Variants in ITSN1 observed in about 807,000 individuals in gnomAD.
ITSN1 encodes the protein intersectin 1.
In ITSN1, 58 loss-of-function variants were observed where a neutral mutation model predicts 239.8. The ratio of observed to expected loss-of-function variants is 0.24; its 90% CI spans 0.20 to 0.30. ITSN1 has a LOEUF of 0.30. Among genes scored for constraint, ITSN1 ranks in the 10% least tolerant of loss-of-function variants. The probability of loss-of-function intolerance (pLI) is 1.00; values close to 1 mark genes in which losing one functional copy is unlikely to be tolerated. For synonymous variants in ITSN1, 780 were observed against 770.8 expected (o/e 1.01, Z -0.20); for missense variants, 1,558 against 2,103.3 (o/e 0.74, Z 5.07).
intron 1 of ITSN1, among the ~76,000 whole-genome samples, chr21:33,667,455 A>T (rs1254262506): frequency 6.6e-6 from 1 of 152,192 alleles, no homozygotes; most frequent in Non-Finnish European, 1.5e-5. Flanking sequence ...AATAAATTGT[A>T]AGCCAAATGA....
At chr21:33,857,365 G>T (rs1979552554) in intron 30 of ITSN1, among the ~76,000 whole-genome samples, 1 of 152,222 alleles carries the variant, frequency 6.6e-6, no homozygotes, top group African/African-American at 2.4e-5. Context: ...CCTGACCTGA[G>T]TGATGCCTCC....
chr21:33,743,230 C>T lies in ITSN1; in HGVS notation c.347-6913C>T, dbSNP rs569159712. On this transcript the variant is annotated intron_variant, in intron 5 of 39. Transcript: ENST00000381318. The stretch of plus-strand genomic sequence containing the variant: ...CCTGTAATCCCAGCACTTTAAGAGG[C>T]CGAGGTGAGCGGATCACCTGAGGTC... Among the ~76,000 whole-genome samples the T allele has an allele frequency of 1.0e-3, 152 of 152,286 alleles. 1 individual carries two copies. The highest frequency in any genetic ancestry group is 3.4e-3 in the African/African-American group (141 of 41,564).
At chr21:33,868,418 G>C (rs1279425060) in intron 33 of ITSN1, among the ~76,000 whole-genome samples, 1 of 152,186 alleles carries the variant, frequency 6.6e-6, no homozygotes, top group Non-Finnish European at 1.5e-5. Flanking sequence ...ACGGAGGCAG[G>C]GGAAGGCTCA....
chr21:33,819,434 T>G, intron 24 of ITSN1, 111 bp downstream of exon 24: 1 of 667,330 alleles, frequency 1.5e-6, no homozygotes. Flanking sequence ...GATCAGTATA[T>G]TAAACTACAG....
At chr21:33,814,236 A>C in intron 22 of ITSN1, 164 bp downstream of exon 22, 3 of 305,964 alleles carry the variant, frequency 9.8e-6, no homozygotes, top group East Asian at 1.7e-4. Flanking sequence ...TCTGCTGTGA[A>C]TAGTTGGGAG....
At position 33,892,812 on chromosome 21, in the gene ITSN1, C is replaced by T. The variant is rs1986450647; in HGVS notation, c.*4512C>T. ...AGTGTAATTGCCTACCTGCCTGGGCCCCTTCTAGAGGAAGGTGGGCTTTCC... is the reference window on the plus strand; with the variant it reads ...AGTGTAATTGCCTACCTGCCTGGGCTCCTTCTAGAGGAAGGTGGGCTTTCC... On this transcript the variant is annotated 3_prime_UTR_variant, in exon 40 of 40. Transcript: ENST00000381318. 1 of 152,148 alleles carries T rather than the reference C, an allele frequency of 6.6e-6. No homozygotes were observed. The highest frequency in any genetic ancestry group is 1.5e-5 in the Non-Finnish European group (1 of 68,034). 9.4% of individuals were successfully genotyped at this position (152,148 alleles called of 1,614,324 possible).
intron 12 of ITSN1, chr21:33,774,244 T>C (rs975009164): frequency 6.4e-6 from 1 of 156,190 alleles, no homozygotes; most frequent in African/African-American, 2.4e-5. Context: ...AAAGCTTTTG[T>C]GGTAAAAAGG....
At chr21:33,776,945 G>A (rs1052796945) in intron 14 of ITSN1, among the ~76,000 whole-genome samples, 2 of 151,106 alleles carry the variant, frequency 1.3e-5, no homozygotes, top group African/African-American at 2.4e-5. Flanking sequence ...TTTTTCTTTT[G>A]GTGTTCATGC....
At chr21:33,696,188 T>G (rs964243481) in intron 1 of ITSN1, among the ~76,000 whole-genome samples, 1 of 152,182 alleles carries the variant, frequency 6.6e-6, no homozygotes, top group Non-Finnish European at 1.5e-5. Flanking sequence ...GGCTTTTTTT[T>G]TGTTGTTGGA....
chr21:33,858,037 T>G (rs1979700484), intron 30 of ITSN1, among the ~76,000 whole-genome samples: 1 of 152,160 alleles, frequency 6.6e-6, no homozygotes, highest in African/African-American at 2.4e-5. Context: ...GGGGTTCCAC[T>G]GAGATCTGTG....
At chr21:33,777,773 T>A (rs926857499) in intron 14 of ITSN1, among the ~76,000 whole-genome samples, 1 of 152,210 alleles carries the variant, frequency 6.6e-6, no homozygotes, top group Non-Finnish European at 1.5e-5. Flanking sequence ...ATTGACCTTA[T>A]ATCTGTGATT....
At chr21:33,869,902 G>C (rs1172031164) in intron 33 of ITSN1, among the ~76,000 whole-genome samples, 1 of 151,936 alleles carries the variant, frequency 6.6e-6, no homozygotes, top group Admixed American at 6.6e-5. Flanking sequence ...TTTATTTCTA[G>C]ATCCATCTAT....
chr21:33,813,645 G>T (rs564951029), intron 21 of ITSN1, among the ~76,000 whole-genome samples: 38 of 152,188 alleles, frequency 2.5e-4, no homozygotes, highest in African/African-American at 8.9e-4. Context: ...GAGCCACTGT[G>T]CCCAGCCTCC....
rs905966330 is a variant in ITSN1 at position 33,797,312 on chromosome 21, A to G, written c.1953-67A>G. ...TTTACTGGATGGAGCTTTTTTTGTG[A>G]AAAGAGGCAACAGTAGTGTTAACTT... is the stretch of plus-strand genomic sequence containing the variant. On this transcript the variant is annotated intron_variant, in intron 17 of 39. Transcript: ENST00000381318. This position sits in a 1 kb window ranked among gnomAD's most constrained non-coding sequence, Gnocchi z 4.9. 8 of 1,391,636 alleles carry G rather than the reference A, an allele frequency of 5.7e-6. No individual in the cohort carries two copies. The African/African-American group carries it at 1.2e-4, about 20-fold the overall frequency. The allele number at this position is 1,391,636 out of a possible 1,614,324, so 86.2% of individuals were successfully genotyped here. A position where few individuals can be genotyped will look rare whatever the true frequency, so the allele number is the denominator to read the frequency against.
chr21:33,893,141 C>G lies in ITSN1; in HGVS notation c.*4841C>G, dbSNP rs1167613219. On this transcript the variant is annotated 3_prime_UTR_variant, in exon 40 of 40. Coordinates refer to ENST00000381318, the MANE Select transcript of ITSN1 (RefSeq NM_003024.3). Reference sequence around the variant, plus strand: ...TTTCTGATGAAGACGTGGCTCAGTCCCTGCTCTCCTTGTCGCAGTGGCTTG... The same window carrying G: ...TTTCTGATGAAGACGTGGCTCAGTCGCTGCTCTCCTTGTCGCAGTGGCTTG... 2 of 152,278 alleles carry G rather than the reference C, an allele frequency of 1.3e-5. No individual in the cohort carries two copies. Among genetic ancestry groups the G allele is most frequent in the Non-Finnish European group, 2.9e-5 (2 of 68,080 alleles). The allele number at this position is 152,278 out of a possible 1,614,324, so 9.4% of individuals were successfully genotyped here. A position where few individuals can be genotyped will look rare whatever the true frequency, so the allele number is the denominator to read the frequency against.
At chr21:33,703,987 G>A (rs527956695) in intron 1 of ITSN1, among the ~76,000 whole-genome samples, 11 of 152,298 alleles carry the variant, frequency 7.2e-5, no homozygotes, top group African/African-American at 2.6e-4. Context: ...ACAGGGCCAG[G>A]GACCTCAGAG....
chr21:33,756,601 G>T (rs1346002373), intron 8 of ITSN1, among the ~76,000 whole-genome samples: 4 of 152,058 alleles, frequency 2.6e-5, no homozygotes, highest in Non-Finnish European at 5.9e-5. Context: ...GATTTTGAAG[G>T]GTTCTAATCT....
At chr21:33,692,398 T>C (rs574604866) in intron 1 of ITSN1, among the ~76,000 whole-genome samples, 1 of 152,298 alleles carries the variant, frequency 6.6e-6, no homozygotes, top group African/African-American at 2.4e-5. Flanking sequence ...CTCAATTTGC[T>C]TTTGCTAACC....
intron 16 of ITSN1, among the ~76,000 whole-genome samples, chr21:33,785,368 G>A (rs375885649): frequency 1.3e-5 from 2 of 152,296 alleles, no homozygotes; most frequent in African/African-American, 2.4e-5. Flanking sequence ...GGGAATAATC[G>A]TACCCTGGTT....
Sources: allele counts gnomAD v4.1 joint callset (sites outside exome capture counted in the v4.1 genomes callset), GRCh38; gene constraint gnomAD v4.1.1; non-coding constraint Gnocchi (gnomAD v3.1); transcripts MANE v1.5; gene names NCBI Gene and HGNC (gene_info 2026-07-23, HGNC 2026-07-21).